Variants in ARID3A observed in about 807,000 individuals in gnomAD.
The protein encoded by ARID3A is AT-rich interactive domain-containing protein 3A.
In ARID3A, 11 loss-of-function variants were observed where a neutral mutation model predicts 52.7. The observed-to-expected ratio is 0.21, with a 90% CI of 0.13 to 0.35. ARID3A has a LOEUF of 0.35. Ranked by LOEUF, ARID3A falls within the 10% of genes least tolerant of loss-of-function variation. ARID3A has a pLI of 1.00. For missense variants in ARID3A, 721 were observed against 838.5 expected, an observed-to-expected ratio of 0.86 and a Z score of 1.73; for synonymous variants, 404 against 359.4, an observed-to-expected ratio of 1.12 and a Z score of -1.40.
In ARID3A at chr19:926,888, C is replaced by A. The variant is rs1052123260; in HGVS notation, c.-268+829C>A. On this transcript the variant is annotated intron_variant, in intron 1 of 8. Transcript: ENST00000263620. ...GGCGCTCGGGCTGGAGGGGTTCCCC[C>A]CCCCATGCAAATCGGCCGCTTTCCA... 3.9e-5 allele frequency among the ~76,000 whole-genome samples: 6 copies of A among 152,176 alleles called. 1 individual carries two copies. In the East Asian group the frequency reaches 5.8e-4, roughly 15 times the overall value.
At position 972,244 on chromosome 19, in the gene ARID3A, TATAC is replaced by T. The variant is rs1001807257; in HGVS notation, c.*181_*184del. The T allele has an allele frequency of 2.5e-3, 529 of 210,538 alleles. No individual in the cohort carries two copies. Among genetic ancestry groups the T allele is most frequent in the Middle Eastern group, 6.6e-3 (4 of 606 alleles). The allele number at this position is 210,538 out of a possible 1,614,324, so 13.0% of individuals were successfully genotyped here. ...AAAGATATATATATATATATATATA[TATAC>T]ACGTATATATATAAAGAGAATTTAA... is the stretch of plus-strand genomic sequence containing the variant. On this transcript the variant is annotated 3_prime_UTR_variant, in exon 9 of 9. Transcript: ENST00000263620.
Position 929,278 on chromosome 19 carries a change from G to T in ARID3A, c.-251G>T, listed in dbSNP as rs2037265343. ...CCCCCTCAGGTTTCTGCAAATGCGT[G>T]AATGAGCCGGATGCCAGCCTCTGTC... is the stretch of plus-strand genomic sequence containing the variant. On this transcript the variant is annotated 5_prime_UTR_variant, in exon 2 of 9. An upstream open reading frame in the 5' UTR gains an earlier in-frame stop. Coordinates refer to ENST00000263620, the MANE Select transcript of ARID3A (RefSeq NM_005224.3). The surrounding 1 kb of genome is among the most constrained non-coding windows in gnomAD (Gnocchi z 6.2). 1.6e-5 allele frequency: 5 copies of T among 320,168 alleles called. No individual in the cohort carries two copies. In the East Asian group the frequency reaches 3.5e-4, roughly 23 times the overall value. The allele number at this position is 320,168 out of a possible 1,614,324, so 19.8% of individuals were successfully genotyped here.
chr19:964,762 T>C lies in ARID3A; in HGVS notation c.951-71T>C. The C allele has an allele frequency of 1.1e-5, 17 of 1,555,548 alleles. No individual in the cohort carries two copies. The highest frequency in any genetic ancestry group is 1.3e-5 in the Non-Finnish European group (15 of 1,147,516). On this transcript the variant is annotated intron_variant, in intron 5 of 8. Transcript: ENST00000263620. This position sits in a 1 kb window ranked among gnomAD's most constrained non-coding sequence, Gnocchi z 5.7. ...ATGGTGGTGCCACAGTGGGGTTTAC[T>C]TTGTACTGAAGGCCAAAGAGAGCCG...
Position 932,593 on chromosome 19 carries a change from G to T in ARID3A, c.544G>T (p.Ala182Ser). 1 of 1,515,958 alleles carries T rather than the reference G, an allele frequency of 6.6e-7. No homozygotes were observed. 93.9% of individuals were successfully genotyped at this position (1,515,958 alleles called of 1,614,324 possible). A position where few individuals can be genotyped will look rare whatever the true frequency, so the allele number is the denominator to read the frequency against. The change falls in exon 3 of 9, where the codon GCC becomes TCC. Residue 182 changes from alanine (A) to serine (S), a missense_variant. Physicochemically the swap from Ala to Ser is moderately conservative, Grantham distance 99. This residue lies in a region of ARID3A where 349 missense variants were observed against 297.3 expected (regional missense o/e 1.17). Transcript: ENST00000263620. ...CCCCCGAAAGGCCCAGCCACCCCAG[G>T]CCTTCCGCGGCGATGGCGTTCCCAG... ...LFPRKAQPPQ[A>S]FRGDGVPRVL...
Position 971,909 on chromosome 19 carries a change from G to T in ARID3A, c.1626G>T (p.Thr542=). The T allele has an allele frequency of 6.2e-7, 1 of 1,602,488 alleles. No homozygotes were observed. The highest frequency in any genetic ancestry group is 8.5e-7 in the Non-Finnish European group (1 of 1,174,728). ...TGTTTGCTCAGCCGCCGGCCCCCAC[G>T]CCAACCTCTGCTCCCAACAAAGGAG... is the stretch of plus-strand genomic sequence containing the variant. ...GVLFAQPPAP[T]PTSAPNKGGG... Residue 542 remains threonine (T), a synonymous_variant, in exon 9 of 9, where the codon ACG becomes ACT. Coordinates refer to ENST00000263620, the MANE Select transcript of ARID3A (RefSeq NM_005224.3).
intron 6 of ARID3A, among the ~76,000 whole-genome samples, chr19:965,492 A>G (rs2038129612): frequency 6.7e-6 from 1 of 150,124 alleles, no homozygotes; most frequent in East Asian, 2.0e-4. Flanking sequence ...CTGAGTTACC[A>G]TTTCTCATCT....
rs761544461 is a variant in ARID3A, at chr19:972,054, T to C, written c.1771T>C (p.Ser591Pro). The C allele has an allele frequency of 5.3e-5, 82 of 1,557,926 alleles. No homozygotes were observed. Among genetic ancestry groups the C allele is most frequent in the Non-Finnish European group, 7.0e-5 (81 of 1,154,194 alleles). ...STPSTSTSNN[S>P]LP ...ACCCTCCACATCTACCTCAAATAAC[T>C]CGTTGCCTTAACCGCATCACTCCCC... is the stretch of plus-strand genomic sequence containing the variant. Residue 591 changes from serine to proline, a missense_variant, in exon 9 of 9, where the codon TCG (serine) becomes CCG (proline). Ser to Pro is a moderately conservative substitution (Grantham distance 74). Transcript: ENST00000263620.
chr19:926,943 C>T (rs1213800699), intron 1 of ARID3A, among the ~76,000 whole-genome samples: 4 of 151,814 alleles, frequency 2.6e-5, no homozygotes, highest in Admixed American at 2.6e-4. Context: ...ACCAGGGTTT[C>T]TGTCTTCTTA....
intron 4 of ARID3A, among the ~76,000 whole-genome samples, chr19:963,922 G>A (rs557927771): frequency 5.9e-5 from 9 of 152,326 alleles, no homozygotes; most frequent in African/African-American, 1.9e-4. Context: ...GGTGTGTGGC[G>A]TGGAGAAGGA....
rs368166899 is a variant in ARID3A at position 975,368 on chromosome 19, G to T, written c.*3303G>T. On this transcript the variant is annotated 3_prime_UTR_variant, in exon 9 of 9. Transcript: ENST00000263620. Reference sequence around the variant, plus strand: ...AGGCGGGAGGGTGGGCACGGGGCACGGGGGGCAGCTGGGGTCGTTGTTAAG... The same window carrying T: ...AGGCGGGAGGGTGGGCACGGGGCACTGGGGGCAGCTGGGGTCGTTGTTAAG... 401 of 230,980 alleles carry T rather than the reference G, an allele frequency of 1.7e-3. 1 individual carries two copies. The highest frequency in any genetic ancestry group is 0.014 in the South Asian group (75 of 5,496). 14.3% of individuals were successfully genotyped at this position (230,980 alleles called of 1,614,324 possible). A position where few individuals can be genotyped will look rare whatever the true frequency, so the allele number is the denominator to read the frequency against.
At chr19:930,789 G>T (rs1052622849) in intron 2 of ARID3A, among the ~76,000 whole-genome samples, 1 of 151,638 alleles carries the variant, frequency 6.6e-6, no homozygotes, top group East Asian at 2.0e-4. Context: ...GATTACAGGC[G>T]TGAGCCACCA....
chr19:951,255 C>G (rs1271733479), intron 3 of ARID3A, among the ~76,000 whole-genome samples: 4 of 151,634 alleles, frequency 2.6e-5, no homozygotes, highest in Non-Finnish European at 4.4e-5. Context: ...CCACACCCAG[C>G]CTTTTATAAG....
rs897091926 is a variant in ARID3A at position 947,994 on chromosome 19, T to C, written c.694-12098T>C. Among the ~76,000 whole-genome samples the C allele has an allele frequency of 6.6e-6, 1 of 152,132 alleles. No homozygotes were observed. The highest frequency in any genetic ancestry group is 2.1e-4 in the South Asian group (1 of 4,836). On this transcript the variant is annotated intron_variant, in intron 3 of 8. Coordinates refer to ENST00000263620, the MANE Select transcript of ARID3A (RefSeq NM_005224.3). The surrounding 1 kb of genome is among the most constrained non-coding windows in gnomAD (Gnocchi z 6.3). ...GGTCAGGTGCACGAGGAGCAACCCA[T>C]GGCCAGGCAGAGCCCAGAGAGGGCG...
intron 3 of ARID3A, among the ~76,000 whole-genome samples, chr19:933,836 G>A (rs1320993944): frequency 4.2e-5 from 6 of 144,314 alleles, no homozygotes; most frequent in South Asian, 2.3e-4. Context: ...GGGCAGCGGC[G>A]GGGACTCGGT....
rs116814330 is a variant in ARID3A, at chr19:944,816, G to A, written c.693+12074G>A. On this transcript the variant is annotated intron_variant, in intron 3 of 8. Transcript: ENST00000263620. This position sits in a 1 kb window ranked among gnomAD's most constrained non-coding sequence, Gnocchi z 5.9. ...AACTTCATTTTATTTTTTGGAGACA[G>A]GGTCTTGCTGCGTTGCCCAGGCTGA... 9.8e-3 allele frequency among the ~76,000 whole-genome samples: 1,491 copies of A among 152,296 alleles called. 26 individuals are homozygous for A. The highest frequency in any genetic ancestry group is 0.035 in the African/African-American group (1,436 of 41,552).
chr19:930,672 GCTAA>G (rs2037304200), intron 2 of ARID3A, among the ~76,000 whole-genome samples: 1 of 150,620 alleles, frequency 6.6e-6, no homozygotes, highest in Non-Finnish European at 1.5e-5. Context: ...ACCACGCCTG[GCTAA>G]CTTTTTGTAT....
rs1356142305 is a variant in ARID3A, at chr19:944,864, C to T, written c.693+12122C>T. ...TGAACTCCTGAGCTCTTAGGGGAGC[C>T]GGGATGTCCCTGGGTCCTGCGGTCG... is the stretch of plus-strand genomic sequence containing the variant. On this transcript the variant is annotated intron_variant, in intron 3 of 8. Coordinates refer to ENST00000263620, the MANE Select transcript of ARID3A (RefSeq NM_005224.3). The surrounding 1 kb of genome is among the most constrained non-coding windows in gnomAD (Gnocchi z 5.9). Among the ~76,000 whole-genome samples, 3 of 152,312 alleles carry T rather than the reference C, an allele frequency of 2.0e-5. No individual in the cohort carries two copies. Among genetic ancestry groups the T allele is most frequent in the South Asian group, 4.1e-4 (2 of 4,820 alleles).
In ARID3A at chr19:960,442, G is replaced by T. The variant is rs908338507; in HGVS notation, c.766+278G>T. On this transcript the variant is annotated intron_variant, in intron 4 of 8. Coordinates refer to ENST00000263620, the MANE Select transcript of ARID3A (RefSeq NM_005224.3). The surrounding 1 kb of genome is among the most constrained non-coding windows in gnomAD (Gnocchi z 4.3). ...CCCCAACCCAGAACAGACAGTCCAG[G>T]TCATCTCCTTAGCATCCAGGGTGCA... is the stretch of plus-strand genomic sequence containing the variant. Among the ~76,000 whole-genome samples the T allele has an allele frequency of 1.3e-5, 2 of 152,056 alleles. No homozygotes were observed. The highest frequency in any genetic ancestry group is 2.9e-5 in the Non-Finnish European group (2 of 67,992).
At chr19:935,691 A>G (rs1267743527) in intron 3 of ARID3A, among the ~76,000 whole-genome samples, 6 of 151,352 alleles carry the variant, frequency 4.0e-5, no homozygotes, top group Non-Finnish European at 8.8e-5. Context: ...CTGGTCTAGA[A>G]CTCCTGGGCT....
Sources: gnomAD v4.1 joint callset for allele counts (sites outside exome capture counted in the v4.1 genomes callset) on GRCh38, gnomAD v4.1.1 for gene constraint, gnomAD v4.1.1 regional missense constraint, Gnocchi (gnomAD v3.1) non-coding constraint, MANE v1.5 for transcripts, NCBI Gene and HGNC (gene_info 2026-07-23, HGNC 2026-07-21) for gene names.